The following STAT3 variants were observed in gnomAD, a reference collection of about 807,000 sequenced individuals.
STAT3 encodes signal transducer and activator of transcription 3.
Under a neutral mutation model 114.3 loss-of-function variants are expected in STAT3, and 7 were observed. The ratio of observed to expected loss-of-function variants is 0.06; its 90% confidence interval spans 0.03 to 0.11. STAT3 has a LOEUF of 0.11. STAT3 is among the 10% of genes least tolerant of loss of function. STAT3 has a pLI of 1.00. For missense variants in STAT3, 364 were observed against 960.9 expected (o/e 0.38, Z 8.21); for synonymous variants, 331 against 354.5 (o/e 0.93, Z 0.74).
At chr17:42,336,653 G>A (rs2082240888) in intron 8 of STAT3, among the ~76,000 whole-genome samples, 1 of 139,832 alleles carries the variant, frequency 7.2e-6, no homozygotes, top group South Asian at 2.1e-4. Flanking sequence ...CTATCTTTAT[G>A]TGTATATACA....
At chr17:42,349,470 G>A (rs1336090338) in intron 1 of STAT3, among the ~76,000 whole-genome samples, 1 of 152,198 alleles carries the variant, frequency 6.6e-6, no homozygotes, top group African/African-American at 2.4e-5. Context: ...GATGTTTGGG[G>A]TTGGGGGACA....
rs1361273289 is a variant in STAT3 at position 42,388,394 on chromosome 17, CG to C, written c.-140del. The C allele has an allele frequency of 6.5e-6, 8 of 1,231,676 alleles. No individual in the cohort carries two copies. In the African/African-American group the frequency reaches 1.2e-4, roughly 19 times the overall value. The allele number at this position is 1,231,676 out of a possible 1,614,324, so 76.3% of individuals were successfully genotyped here. On this transcript the variant is annotated 5_prime_UTR_variant, in exon 1 of 24. Coordinates refer to ENST00000264657, the MANE Select transcript of STAT3 (RefSeq NM_139276.3). ...CCGAGGGGGAGAGACAGCGCCAAGC[CG>C]GGGTGCCTGTCCAGGATCCGGTTGG... is the stretch of plus-strand genomic sequence containing the variant.
rs764478072 is a variant in STAT3, at chr17:42,337,454, G to A, written c.778C>T (p.Leu260=). ...ACIGGPPNIC[L]DRLENWITSL... ...CTTTACCAGTTTTCTAGCCGATCTA[G>A]GCAGATGTTGGGCGGGCCTCCAATG... Residue 260 remains leucine, a synonymous_variant, in exon 8 of 24, where the codon CTA becomes TTA. Transcript: ENST00000264657. This position sits in a 1 kb window ranked among gnomAD's most constrained non-coding sequence, Gnocchi z 4.0. 7 of 1,614,152 alleles carry A rather than the reference G, an allele frequency of 4.3e-6. No homozygotes were observed. The highest frequency in any genetic ancestry group is 5.9e-6 in the Non-Finnish European group (7 of 1,180,020).
At chr17:42,366,304 G>GTC (rs199906335) in intron 1 of STAT3, among the ~76,000 whole-genome samples, 23 of 151,744 alleles carry the variant, frequency 1.5e-4, no homozygotes, top group Non-Finnish European at 2.6e-4. Context: ...TTCAACTCCA[G>GTC]TCTCTCTCTC....
At chr17:42,358,101 G>A (rs1161263122) in intron 1 of STAT3, among the ~76,000 whole-genome samples, 2 of 152,036 alleles carry the variant, frequency 1.3e-5, no homozygotes, top group African/African-American at 4.8e-5. Flanking sequence ...CTACTAATAT[G>A]ACAAAATTTG....
At chr17:42,348,831 C>T (rs539902638) in intron 1 of STAT3, among the ~76,000 whole-genome samples, 7 of 151,972 alleles carry the variant, frequency 4.6e-5, no homozygotes, top group African/African-American at 1.7e-4. Context: ...CAGCCTGTTT[C>T]TCCCAGTTTA....
chr17:42,366,548 G>A (rs190202249), intron 1 of STAT3, among the ~76,000 whole-genome samples: 1 of 152,098 alleles, frequency 6.6e-6, no homozygotes, highest in East Asian at 1.9e-4. Flanking sequence ...GCGCAAGCCT[G>A]TGATCCCAGC....
chr17:42,360,182 C>G (rs1322314711), intron 1 of STAT3, among the ~76,000 whole-genome samples: 1 of 151,546 alleles, frequency 6.6e-6, no homozygotes, highest in East Asian at 1.9e-4. Flanking sequence ...TTCTTCACCA[C>G]TATAGGAGTC....
At chr17:42,380,848 G>C (rs909803098) in intron 1 of STAT3, among the ~76,000 whole-genome samples, 2 of 152,188 alleles carry the variant, frequency 1.3e-5, no homozygotes, top group Non-Finnish European at 2.9e-5. Flanking sequence ...AGGAGGTCAA[G>C]GCTGTCATGA....
chr17:42,318,045 C>G (rs139573330), intron 21 of STAT3, among the ~76,000 whole-genome samples: 2 of 152,134 alleles, frequency 1.3e-5, no homozygotes, highest in Non-Finnish European at 2.9e-5. Flanking sequence ...CTCCTACTCC[C>G]AGGTCAAAAC....
At chr17:42,384,084 A>G (rs1014229582) in intron 1 of STAT3, among the ~76,000 whole-genome samples, 2 of 152,152 alleles carry the variant, frequency 1.3e-5, no homozygotes, top group Non-Finnish European at 2.9e-5. Context: ...TCTATGATTA[A>G]ACATCAGTGC....
rs950151062 is a variant in STAT3, at chr17:42,339,446, A to G, written c.373-37T>C. ...GAGGTCAATGCACATGTGAACACAG[A>G]ACTATGGGGAGAGGAATACCTCTAC... On this transcript the variant is annotated intron_variant, in intron 4 of 23. Transcript: ENST00000264657. 3.7e-6 allele frequency: 6 copies of G among 1,602,566 alleles called. No individual in the cohort carries two copies. The African/African-American group carries it at 8.0e-5, about 21-fold the overall frequency.
chr17:42,358,951 T>TTTTTTTTTTTTTTTTC (rs2083372043), intron 1 of STAT3, among the ~76,000 whole-genome samples: 1 of 143,774 alleles, frequency 7.0e-6, no homozygotes. Context: ...TTTTTTTTTT[T>TTTTTTTTTTTTTTTTC]TGAGATGTAG....
At chr17:42,380,002 T>C (rs1457315807) in intron 1 of STAT3, among the ~76,000 whole-genome samples, 1 of 152,186 alleles carries the variant, frequency 6.6e-6, no homozygotes, top group Non-Finnish European at 1.5e-5. Context: ...CTAACAGATA[T>C]TACCATTTTA....
chr17:42,340,300 G>A lies in STAT3; in HGVS notation c.373-891C>T, dbSNP rs2082388283. 4.0e-5 allele frequency among the ~76,000 whole-genome samples: 6 copies of A among 149,802 alleles called. No homozygotes were observed. In the Admixed American group the frequency reaches 4.0e-4, roughly 10 times the overall value. ...GAACCCGGGAGGTGGAGGTTGTGGT[G>A]AGCCAAGACTGCGCCATGCACTCCA... On this transcript the variant is annotated intron_variant, in intron 4 of 23. Transcript: ENST00000264657.
rs1376085061 is a variant in STAT3 at position 42,314,570 on chromosome 17, A to C, written c.*1175T>G. ...AACAACCTAGCCTCTGAAACAGCAG[A>C]TCAAGTCCAGGGAGAAAGGGAGTCA... On this transcript the variant is annotated 3_prime_UTR_variant, in exon 24 of 24. Transcript: ENST00000264657. The C allele has an allele frequency of 8.6e-6, 2 of 232,702 alleles. No homozygotes were observed. The highest frequency in any genetic ancestry group is 4.4e-5 in the African/African-American group (2 of 45,266). 14.4% of individuals were successfully genotyped at this position (232,702 alleles called of 1,614,324 possible).
chr17:42,329,300 A>T, intron 14 of STAT3, 110 bp downstream of exon 14: 2 of 1,516,624 alleles, frequency 1.3e-6, no homozygotes, highest in Non-Finnish European at 1.8e-6. Context: ...GAATAACTAC[A>T]GCTGAAAGAA....
At chr17:42,316,468 C>A in intron 23 of STAT3, 1 of 477,568 alleles carries the variant, frequency 2.1e-6, no homozygotes, top group Non-Finnish European at 3.8e-6. Context: ...ATCCACCCAC[C>A]TCGGCCTCCC....
chr17:42,363,598 C>A (rs1331899306), intron 1 of STAT3, among the ~76,000 whole-genome samples: 1 of 151,732 alleles, frequency 6.6e-6, no homozygotes, highest in Non-Finnish European at 1.5e-5. Flanking sequence ...CACATGCCAC[C>A]ATGTCTGGAT....
Sources: gnomAD v4.1 joint callset for allele counts (sites outside exome capture counted in the v4.1 genomes callset) on GRCh38, gnomAD v4.1.1 for gene constraint, Gnocchi (gnomAD v3.1) non-coding constraint, MANE v1.5 for transcripts, NCBI Gene and HGNC (gene_info 2026-07-23, HGNC 2026-07-21) for gene names.